CACNA2D3: variants seen among roughly 807,000 people sequenced by gnomAD.
CACNA2D3 encodes the protein voltage-dependent calcium channel subunit alpha-2/delta-3.
CACNA2D3 carries 60 observed loss-of-function variants against 160.6 expected under a neutral mutation model. That is an observed-to-expected ratio of 0.37 (90% CI 0.30 to 0.46). The LOEUF (loss-of-function observed/expected upper bound fraction) is 0.46. Ranked by LOEUF, CACNA2D3 falls within the 20% of genes least tolerant of loss-of-function variation. The probability of loss-of-function intolerance (pLI) is 1.00; values close to 1 mark genes in which losing one functional copy is unlikely to be tolerated. For synonymous variants in CACNA2D3, 558 were observed against 492.9 expected, an observed-to-expected ratio of 1.13 and a Z score of -1.75; for missense variants, 1,205 against 1,365.0, an observed-to-expected ratio of 0.88 and a Z score of 1.85.
chr3:54,923,862 A>G (rs1170725366), intron 27 of CACNA2D3, among the ~76,000 whole-genome samples: 1 of 152,226 alleles, frequency 6.6e-6, no homozygotes, highest in Non-Finnish European at 1.5e-5. Context: ...GTAAAGGGCC[A>G]GATAGACAAT....
At chr3:54,188,422 G>T (rs1434301782) in intron 2 of CACNA2D3, among the ~76,000 whole-genome samples, 1 of 152,218 alleles carries the variant, frequency 6.6e-6, no homozygotes, top group Non-Finnish European at 1.5e-5. Flanking sequence ...CATGGGTGCT[G>T]AATGTTGTAA....
intron 24 of CACNA2D3, among the ~76,000 whole-genome samples, chr3:54,888,352 A>C (rs1699976128): frequency 6.6e-6 from 1 of 152,174 alleles, no homozygotes; most frequent in Admixed American, 6.5e-5. Context: ...CTGCCTCGCC[A>C]CAGCTCTCTC....
At chr3:55,059,535 A>G (rs1427402250) in intron 35 of CACNA2D3, among the ~76,000 whole-genome samples, 1 of 152,104 alleles carries the variant, frequency 6.6e-6, no homozygotes, top group Non-Finnish European at 1.5e-5. Flanking sequence ...CGGGGTGGAC[A>G]CTTTTGGGCT....
At chr3:54,509,197 A>G (rs971778350) in intron 5 of CACNA2D3, among the ~76,000 whole-genome samples, 1 of 152,160 alleles carries the variant, frequency 6.6e-6, no homozygotes, top group African/African-American at 2.4e-5. Flanking sequence ...TCCAAGAGCT[A>G]TTTGATGTGC....
At chr3:55,053,448 C>T (rs1704279922) in intron 35 of CACNA2D3, among the ~76,000 whole-genome samples, 1 of 152,122 alleles carries the variant, frequency 6.6e-6, no homozygotes, top group Non-Finnish European at 1.5e-5. Flanking sequence ...AATGCTCATA[C>T]TCAAGCTTCC....
intron 2 of CACNA2D3, among the ~76,000 whole-genome samples, chr3:54,301,875 A>G (rs1040079892): frequency 2.0e-5 from 3 of 152,224 alleles, no homozygotes; most frequent in Non-Finnish European, 4.4e-5. Context: ...AGGCAGATAC[A>G]TGTCTCCCAC....
intron 9 of CACNA2D3, 31 bp downstream of exon 9, chr3:54,581,908 A>G (rs1480230447): frequency 7.7e-6 from 12 of 1,568,100 alleles, no homozygotes; most frequent in Non-Finnish European, 9.7e-6. Flanking sequence ...CATTCCAGTC[A>G]TGGTACACCC....
At chr3:54,742,011 C>T (rs971668275) in intron 11 of CACNA2D3, among the ~76,000 whole-genome samples, 1 of 151,922 alleles carries the variant, frequency 6.6e-6, no homozygotes, top group East Asian at 1.9e-4. Context: ...GGACTACAGG[C>T]GAGTACCACC....
chr3:55,027,459 C>T (rs1366985674), intron 35 of CACNA2D3, among the ~76,000 whole-genome samples: 1 of 152,202 alleles, frequency 6.6e-6, no homozygotes, highest in Non-Finnish European at 1.5e-5. Flanking sequence ...TCTTACTCTT[C>T]TTGATGACCC....
intron 11 of CACNA2D3, among the ~76,000 whole-genome samples, chr3:54,648,301 T>A (rs72870636): frequency 0.019 from 2,908 of 152,332 alleles, 92 homozygotes; most frequent in African/African-American, 0.066. Flanking sequence ...AATTTCAGTG[T>A]CCACAAGTAA....
chr3:55,049,245 T>C (rs1002588849), intron 35 of CACNA2D3, among the ~76,000 whole-genome samples: 1 of 149,668 alleles, frequency 6.7e-6, no homozygotes, highest in Non-Finnish European at 1.5e-5. Context: ...CATTTAGTGC[T>C]ATAAATTTCC....
At chr3:54,385,752 T>TC (rs1699176741) in intron 3 of CACNA2D3, among the ~76,000 whole-genome samples, 2 of 152,222 alleles carry the variant, frequency 1.3e-5, no homozygotes, top group South Asian at 4.1e-4. Flanking sequence ...CCATCATTTT[T>TC]CACACGTGGC....
intron 29 of CACNA2D3, among the ~76,000 whole-genome samples, chr3:54,976,906 G>A (rs542366804): frequency 2.6e-5 from 4 of 152,254 alleles, no homozygotes; most frequent in African/African-American, 7.2e-5. Context: ...TATAAGGAGG[G>A]CCTCGTTCTA....
intron 31 of CACNA2D3, among the ~76,000 whole-genome samples, chr3:54,993,854 C>CTT (rs60130693): frequency 1.5e-3 from 174 of 114,618 alleles, no homozygotes; most frequent in African/African-American, 5.6e-3. Flanking sequence ...CTCTCTCTCT[C>CTT]TTTTTTTTTT....
intron 2 of CACNA2D3, among the ~76,000 whole-genome samples, chr3:54,246,299 G>A (rs1702074868): frequency 1.3e-5 from 2 of 152,142 alleles, no homozygotes; most frequent in African/African-American, 2.4e-5. Flanking sequence ...TGCTTACATT[G>A]TTTTGTAAAG....
chr3:54,896,678 G>A (rs908766390), intron 25 of CACNA2D3, 71 bp from the exon 26 acceptor site: 4 of 1,597,636 alleles, frequency 2.5e-6, no homozygotes, highest in Middle Eastern at 1.7e-4. Flanking sequence ...GATGAAGGCT[G>A]TCGGGGTGCT....
At chr3:54,334,492 A>G (rs927065219) in intron 3 of CACNA2D3, among the ~76,000 whole-genome samples, 1 of 152,140 alleles carries the variant, frequency 6.6e-6, no homozygotes, top group Non-Finnish European at 1.5e-5. Context: ...ATCCACTGAC[A>G]GTGAGATCTG....
chr3:54,674,007 A>C (rs1700200356), intron 11 of CACNA2D3, among the ~76,000 whole-genome samples: 1 of 152,252 alleles, frequency 6.6e-6, no homozygotes, highest in Admixed American at 6.5e-5. Flanking sequence ...GGAGGCAGCC[A>C]GAATAGCCTA....
intron 4 of CACNA2D3, among the ~76,000 whole-genome samples, chr3:54,454,010 G>A (rs940493381): frequency 3.3e-5 from 5 of 152,122 alleles, no homozygotes; most frequent in African/African-American, 1.2e-4. Context: ...GAGCCTTCTG[G>A]GCAGGCTAGC....
Sources: allele counts gnomAD v4.1 joint callset (sites outside exome capture counted in the v4.1 genomes callset), GRCh38; gene constraint gnomAD v4.1.1; transcripts MANE v1.5; gene names NCBI Gene and HGNC (gene_info 2026-07-23, HGNC 2026-07-21).